The following PCBP3 variants were observed in gnomAD, a reference collection of about 807,000 sequenced individuals.
The protein encoded by PCBP3 is poly(rC)-binding protein 3.
Under a neutral mutation model 52.7 loss-of-function variants are expected in PCBP3, and 25 were observed. That is an observed-to-expected ratio of 0.47 (90% CI 0.35 to 0.66). The LOEUF is 0.66. Ranked by LOEUF, PCBP3 falls within the 30% of genes least tolerant of loss-of-function variation. The pLI is 0.01. For missense variants in PCBP3, 391 were observed against 490.3 expected (o/e 0.80, Z 1.91); for synonymous variants, 162 against 183.0 (o/e 0.89, Z 0.93).
rs201697544 is a variant in PCBP3, at chr21:45,666,731, A to AT, written c.-278-2127dup. On this transcript the variant is annotated intron_variant, in intron 1 of 17. Transcript: ENST00000681687. ...AAATCCGCTATTGTTCTTATTGAGA[A>AT]TTTTTTTTTTTTTTTTAGATGGGGT... Among the ~76,000 whole-genome samples, 511 of 139,672 alleles carry AT rather than the reference A, an allele frequency of 3.7e-3. 3 individuals are homozygous for AT. The highest frequency in any genetic ancestry group is 7.4e-3 in the Middle Eastern group (2 of 272). 91.6% of individuals were successfully genotyped at this position (139,672 alleles called of 152,430 possible).
chr21:45,881,502 G>A (rs2095404741), intron 5 of PCBP3, among the ~76,000 whole-genome samples: 1 of 152,082 alleles, frequency 6.6e-6, no homozygotes, highest in South Asian at 2.1e-4. Context: ...TGCCCAGGCT[G>A]GTCTTGAACT....
chr21:45,809,417 G>A (rs1018146066), intron 4 of PCBP3, among the ~76,000 whole-genome samples: 5 of 152,214 alleles, frequency 3.3e-5, no homozygotes, highest in Admixed American at 1.3e-4. Context: ...GAAAGGTGAT[G>A]TAGGGCTGAG....
chr21:45,784,806 C>G (rs908594762), intron 4 of PCBP3, among the ~76,000 whole-genome samples: 1 of 152,190 alleles, frequency 6.6e-6, no homozygotes, highest in Non-Finnish European at 1.5e-5. Flanking sequence ...GATCTCGGCT[C>G]GCTACAACAT....
At chr21:45,729,480 C>A (rs759129101) in intron 2 of PCBP3, among the ~76,000 whole-genome samples, 9 of 152,266 alleles carry the variant, frequency 5.9e-5, no homozygotes, top group Middle Eastern at 3.4e-3. Flanking sequence ...AGACTGTTTT[C>A]CACCCTAGCA....
At chr21:45,720,105 A>G (rs1186872619) in intron 2 of PCBP3, among the ~76,000 whole-genome samples, 2 of 152,208 alleles carry the variant, frequency 1.3e-5, no homozygotes, top group Non-Finnish European at 1.5e-5. Flanking sequence ...GTTCTGGGAT[A>G]CATGTGCAGA....
chr21:45,771,709 A>G (rs1400924328), intron 4 of PCBP3, among the ~76,000 whole-genome samples: 6 of 149,912 alleles, frequency 4.0e-5, no homozygotes, highest in African/African-American at 1.5e-4. Flanking sequence ...TAAGGCAAGG[A>G]AACCTGCTCT....
At chr21:45,729,511 CAGCGATGTATG>C (rs1387486965) in intron 2 of PCBP3, among the ~76,000 whole-genome samples, 1 of 152,074 alleles carries the variant, frequency 6.6e-6, no homozygotes, top group Non-Finnish European at 1.5e-5. Flanking sequence ...TCATTTCCAC[CAGCGATGTATG>C]AGGTTGCCTG....
At chr21:45,883,563 T>G (rs2095450125) in intron 5 of PCBP3, among the ~76,000 whole-genome samples, 1 of 152,092 alleles carries the variant, frequency 6.6e-6, no homozygotes, top group Admixed American at 6.5e-5. Flanking sequence ...ATTTTACAGC[T>G]CTGTTATTTG....
intron 2 of PCBP3, among the ~76,000 whole-genome samples, chr21:45,731,892 A>G (rs1238494643): frequency 6.6e-6 from 1 of 151,498 alleles, no homozygotes; most frequent in African/African-American, 2.4e-5. Flanking sequence ...TTTGCTTTAC[A>G]TAGTCTATTA....
At chr21:45,766,503 C>T (rs974950334) in intron 4 of PCBP3, among the ~76,000 whole-genome samples, 3 of 152,218 alleles carry the variant, frequency 2.0e-5, no homozygotes, top group African/African-American at 4.8e-5. Flanking sequence ...GGAAGAACAC[C>T]GGCACCAGAT....
In PCBP3 at chr21:45,879,264, C is replaced by T. The variant is rs186965655; in HGVS notation, c.11-16944C>T. Among the ~76,000 whole-genome samples, 385 of 152,272 alleles carry T rather than the reference C, an allele frequency of 2.5e-3. 2 individuals are homozygous for T. The highest frequency in any genetic ancestry group is 8.1e-3 in the African/African-American group (337 of 41,552). Reference sequence around the variant, plus strand: ...CCTCCCAAAGTACCGGGTTTACAAGCGTTAGCCACTGCGCCTGGCCAAGGA... The same window carrying T: ...CCTCCCAAAGTACCGGGTTTACAAGTGTTAGCCACTGCGCCTGGCCAAGGA... On this transcript the variant is annotated intron_variant, in intron 5 of 17. Transcript: ENST00000681687.
intron 1 of PCBP3, among the ~76,000 whole-genome samples, chr21:45,667,879 GACTTTCCTGAACTA>G (rs1296006434): frequency 6.6e-6 from 1 of 152,056 alleles, no homozygotes; most frequent in East Asian, 1.9e-4. Context: ...TTTATGTAGT[GACTTTCCTGAACTA>G]ACTCTGTAAA....
chr21:45,859,501 G>C (rs1313135373), intron 5 of PCBP3, among the ~76,000 whole-genome samples: 1 of 152,220 alleles, frequency 6.6e-6, no homozygotes, highest in Non-Finnish European at 1.5e-5. Context: ...AAACTCCAAG[G>C]TGGCCCTTGG....
rs1293781453 is a variant in PCBP3 at position 45,821,668 on chromosome 21, A to T, written c.-125-28293A>T. Among the ~76,000 whole-genome samples, 1 of 151,296 alleles carries T rather than the reference A, an allele frequency of 6.6e-6. No individual in the cohort carries two copies. Among genetic ancestry groups the T allele is most frequent in the Non-Finnish European group, 1.5e-5 (1 of 67,960 alleles). On this transcript the variant is annotated intron_variant, in intron 4 of 17. Transcript: ENST00000681687. This position sits in a 1 kb window ranked among gnomAD's most constrained non-coding sequence, Gnocchi z 4.4. ...CCTCCTGTCCTCCCGTGTGATGCTG[A>T]CTGCTCGTGACATGTTGCAGCCTGT...
intron 4 of PCBP3, among the ~76,000 whole-genome samples, chr21:45,773,382 G>A (rs1164263397): frequency 4.6e-5 from 7 of 152,112 alleles, no homozygotes; most frequent in African/African-American, 1.7e-4. Context: ...TTCCACCACC[G>A]TTTATTGAAG....
chr21:45,849,065 CTGAA>C (rs1193795659), intron 4 of PCBP3, among the ~76,000 whole-genome samples: 1 of 152,148 alleles, frequency 6.6e-6, no homozygotes, highest in East Asian at 1.9e-4. Context: ...TAGAAAAAAA[CTGAA>C]TGGTGCATTT....
intron 4 of PCBP3, among the ~76,000 whole-genome samples, chr21:45,769,395 G>T (rs1273143925): frequency 6.6e-6 from 1 of 152,240 alleles, no homozygotes; most frequent in African/African-American, 2.4e-5. Flanking sequence ...GAAGACGCGG[G>T]TGCTCACGCA....
Position 45,870,079 on chromosome 21 carries a change from C to A in PCBP3, c.10+19984C>A, listed in dbSNP as rs186892283. 9.9e-5 allele frequency among the ~76,000 whole-genome samples: 15 copies of A among 152,198 alleles called. 1 individual carries two copies. The highest frequency in any genetic ancestry group is 3.1e-4 in the African/African-American group (13 of 41,520). ...TTATTTTTTAGTTGTAATGTTATCG[C>A]TTTATCTTAATCTTCATAAATCTAT... On this transcript the variant is annotated intron_variant, in intron 5 of 17. Coordinates refer to ENST00000681687, the MANE Select transcript of PCBP3 (RefSeq NM_001384156.1).
intron 4 of PCBP3, among the ~76,000 whole-genome samples, chr21:45,796,092 G>A (rs2091908541): frequency 1.3e-5 from 2 of 152,288 alleles, no homozygotes; most frequent in African/African-American, 2.4e-5. Flanking sequence ...ACCACCTGAC[G>A]ATCCCCTCTG....
Sources: allele counts gnomAD v4.1 joint callset (sites outside exome capture counted in the v4.1 genomes callset), GRCh38; gene constraint gnomAD v4.1.1; non-coding constraint Gnocchi (gnomAD v3.1); transcripts MANE v1.5; gene names NCBI Gene and HGNC (gene_info 2026-07-23, HGNC 2026-07-21).